Variants in STRN observed in about 807,000 individuals in gnomAD.
STRN encodes the protein striatin.
Under a neutral mutation model 96.3 loss-of-function variants are expected in STRN, and 53 were observed. The observed-to-expected ratio is 0.55, with a 90% confidence interval of 0.44 to 0.69. The LOEUF is 0.69. STRN is among the 30% of genes least tolerant of loss of function. The pLI is 0.00. For missense variants in STRN, 987 were observed against 963.9 expected (o/e 1.02, Z -0.32); for synonymous variants, 428 against 355.9 (o/e 1.20, Z -2.28).
chr2:36,853,538 G>A (rs1177000783), intron 15 of STRN, among the ~76,000 whole-genome samples: 1 of 152,208 alleles, frequency 6.6e-6, no homozygotes, highest in African/African-American at 2.4e-5. Context: ...AATCAGAGAA[G>A]TCGGCAGAAT....
intron 1 of STRN, among the ~76,000 whole-genome samples, chr2:36,950,696 C>T (rs976468090): frequency 6.6e-6 from 1 of 152,158 alleles, no homozygotes; most frequent in South Asian, 2.1e-4. Flanking sequence ...AATGCCCCAA[C>T]CAAAAACCTT....
intron 9 of STRN, among the ~76,000 whole-genome samples, chr2:36,880,834 A>C (rs1486379822): frequency 6.6e-6 from 1 of 152,220 alleles, no homozygotes; most frequent in African/African-American, 2.4e-5. Context: ...TAAATTATGT[A>C]AGTTAATTCT....
chr2:36,934,350 T>C (rs529131381), intron 1 of STRN, among the ~76,000 whole-genome samples: 12 of 152,286 alleles, frequency 7.9e-5, no homozygotes, highest in Non-Finnish European at 1.3e-4. Context: ...TTGTAGAATA[T>C]GCGTACATGT....
intron 3 of STRN, among the ~76,000 whole-genome samples, chr2:36,914,139 G>A (rs961759987): frequency 3.3e-5 from 5 of 152,078 alleles, no homozygotes; most frequent in African/African-American, 4.8e-5. Flanking sequence ...ACAGACATGT[G>A]CCACCATCCC....
Position 36,857,901 on chromosome 2 carries a change from T to C in STRN, c.1792A>G (p.Thr598Ala). 6.2e-7 allele frequency: 1 copy of C among 1,614,176 alleles called. No individual in the cohort carries two copies. ...CTTAGTGCTGGAGCAACCTCAGTTG[T>C]ATTCCATAAACGCAGAGTGCCATCT... ...SADGTLRLWN[T>A]TEVAPALSVF... Residue 598 changes from threonine (T) to alanine (A), a missense_variant, in exon 14 of 18, where the codon ACA becomes GCA. By Grantham distance (58) the Thr-to-Ala change is moderately conservative (BLOSUM62 0). Transcript: ENST00000263918.
intron 8 of STRN, 129 bp from the exon 9 acceptor site, chr2:36,884,204 TTAA>T (rs1175339947): frequency 1.2e-6 from 1 of 810,698 alleles, no homozygotes; most frequent in Non-Finnish European, 1.7e-6. Flanking sequence ...TTCTACTAGA[TTAA>T]TAAGAATTAT....
intron 5 of STRN, among the ~76,000 whole-genome samples, chr2:36,901,739 T>C (rs1044910785): frequency 6.6e-6 from 1 of 152,152 alleles, no homozygotes; most frequent in Non-Finnish European, 1.5e-5. Context: ...TGGAAATGTA[T>C]TCTTAATTAT....
At chr2:36,960,309 A>G (rs1664996101) in intron 1 of STRN, among the ~76,000 whole-genome samples, 2 of 152,224 alleles carry the variant, frequency 1.3e-5, no homozygotes, top group Admixed American at 1.3e-4. Flanking sequence ...CACTTGAAGT[A>G]TATCCTCAAT....
intron 8 of STRN, among the ~76,000 whole-genome samples, chr2:36,885,893 AT>A (rs1669214960): frequency 6.6e-6 from 1 of 152,102 alleles, no homozygotes; most frequent in African/African-American, 2.4e-5. Flanking sequence ...GGAGGCCCAT[AT>A]TGTCAACGAG....
intron 3 of STRN, among the ~76,000 whole-genome samples, chr2:36,912,605 C>A (rs1026098445): frequency 5.9e-5 from 9 of 152,278 alleles, no homozygotes; most frequent in Admixed American, 5.9e-4. Flanking sequence ...TGTCATTCCT[C>A]AGGGCTCCAT....
At chr2:36,849,894 C>T in intron 16 of STRN, 94 bp from the exon 17 acceptor site, 2 of 1,189,674 alleles carry the variant, frequency 1.7e-6, no homozygotes, top group Non-Finnish European at 1.2e-6. Context: ...CCAGTCATCC[C>T]TCTCTGTGTG....
rs1667969849 is a variant in STRN at position 36,842,208 on chromosome 2, G to C, written c.*7248C>G. On this transcript the variant is annotated 3_prime_UTR_variant, in exon 18 of 18. Transcript: ENST00000263918. Reference sequence around the variant, plus strand: ...TTTCCATGTGCTTTTTTTTCTTAAAGTTTTCAGTTTGGGCATATTTAATTG... The same window carrying C: ...TTTCCATGTGCTTTTTTTTCTTAAACTTTTCAGTTTGGGCATATTTAATTG... The C allele has an allele frequency of 1.3e-5, 2 of 152,044 alleles. No individual in the cohort carries two copies. Among genetic ancestry groups the C allele is most frequent in the Admixed American group, 6.6e-5 (1 of 15,262 alleles). The allele number at this position is 152,044 out of a possible 1,614,324, so 9.4% of individuals were successfully genotyped here. A position where few individuals can be genotyped will look rare whatever the true frequency, so the allele number is the denominator to read the frequency against.
At chr2:36,923,072 G>T (rs13385627) in intron 2 of STRN, among the ~76,000 whole-genome samples, 11,909 of 151,366 alleles carry the variant, frequency 0.079, 607 homozygotes, top group African/African-American at 0.14. Context: ...AACCCAGGAG[G>T]TGGAGGTTGC....
chr2:36,921,797 AC>A (rs372461063), intron 2 of STRN, among the ~76,000 whole-genome samples: 2 of 151,962 alleles, frequency 1.3e-5, no homozygotes, highest in Admixed American at 1.3e-4. Context: ...TTTCCAGTCC[AC>A]CCCCACACTG....
At chr2:36,869,182 G>C (rs1668704070) in intron 11 of STRN, among the ~76,000 whole-genome samples, 1 of 152,082 alleles carries the variant, frequency 6.6e-6, no homozygotes, top group Admixed American at 6.5e-5. Context: ...TAAACAATGG[G>C]GCAAGGTGGA....
intron 10 of STRN, among the ~76,000 whole-genome samples, chr2:36,870,467 CATAA>C (rs1668735263): frequency 6.6e-6 from 1 of 152,142 alleles, no homozygotes; most frequent in Admixed American, 6.5e-5. Flanking sequence ...TCATGTGCCA[CATAA>C]ATACATTTTG....
intron 9 of STRN, among the ~76,000 whole-genome samples, chr2:36,882,761 C>A (rs1216687971): frequency 6.6e-6 from 1 of 152,032 alleles, no homozygotes; most frequent in African/African-American, 2.4e-5. Context: ...AGAGTGACAG[C>A]CTGTCTCCAA....
chr2:36,940,743 A>G (rs554844608), intron 1 of STRN, among the ~76,000 whole-genome samples: 1 of 149,192 alleles, frequency 6.7e-6, no homozygotes, highest in African/African-American at 2.5e-5. Flanking sequence ...AGGCTGAGGC[A>G]GGAGAATGGT....
chr2:36,875,713 G>A (rs559009255), intron 10 of STRN, among the ~76,000 whole-genome samples: 38 of 151,008 alleles, frequency 2.5e-4, no homozygotes, highest in Non-Finnish European at 4.9e-4. Flanking sequence ...CTGGAGTGCG[G>A]TGGCGCAATC....
Sources: allele counts gnomAD v4.1 joint callset (sites outside exome capture counted in the v4.1 genomes callset), GRCh38; gene constraint gnomAD v4.1.1; transcripts MANE v1.5; gene names NCBI Gene and HGNC (gene_info 2026-07-23, HGNC 2026-07-21).